Variants in TJAP1 observed in about 807,000 individuals in gnomAD.
TJAP1 encodes tight junction associated protein 1.
Under a neutral mutation model 42.0 loss-of-function variants are expected in TJAP1, and 27 were observed. The ratio of observed to expected loss-of-function variants is 0.64; its 90% CI spans 0.47 to 0.89. The LOEUF (loss-of-function observed/expected upper bound fraction) is 0.89, where lower values mean the gene tolerates loss of function less well. TJAP1 is among the 40% of genes least tolerant of loss of function. The probability of loss-of-function intolerance (pLI) is 0.00; values close to 1 mark genes in which losing one functional copy is unlikely to be tolerated. For synonymous variants in TJAP1, 257 were observed against 288.4 expected, an observed-to-expected ratio of 0.89 and a Z score of 1.10; for missense variants, 712 against 726.9, an observed-to-expected ratio of 0.98 and a Z score of 0.24.
At chr6:43,496,756 T>C (rs1789263494) in intron 2 of TJAP1, among the ~76,000 whole-genome samples, 1 of 152,214 alleles carries the variant, frequency 6.6e-6, no homozygotes, top group Non-Finnish European at 1.5e-5. Context: ...CAGCTCTGTT[T>C]AGGTTGATGG....
In TJAP1 at chr6:43,495,733, C is replaced by A. The variant is rs1788953218; in HGVS notation, c.-121-2148C>A. 6.6e-6 allele frequency among the ~76,000 whole-genome samples: 1 copy of A among 152,220 alleles called. No individual in the cohort carries two copies. The highest frequency in any genetic ancestry group is 6.5e-5 in the Admixed American group (1 of 15,282). On this transcript the variant is annotated intron_variant, in intron 2 of 10. Transcript: ENST00000372449. This position sits in a 1 kb window ranked among gnomAD's most constrained non-coding sequence, Gnocchi z 4.6. ...TGCCAGCTACCTTCTCAGGATACTC[C>A]TTGCCTAGCAAGCCAGATCGCCTCT...
chr6:43,487,510 A>G (rs1194807281), intron 2 of TJAP1, among the ~76,000 whole-genome samples: 1 of 152,004 alleles, frequency 6.6e-6, no homozygotes, highest in Non-Finnish European at 1.5e-5. Context: ...GAACTGGGTT[A>G]TGTCCCACTT....
At chr6:43,484,082 CA>C (rs202198214) in intron 2 of TJAP1, among the ~76,000 whole-genome samples, 74 of 143,246 alleles carry the variant, frequency 5.2e-4, no homozygotes, top group African/African-American at 6.9e-4. Context: ...AAATTAAAAA[CA>C]AAAAAAAAAA....
At chr6:43,500,167 A>G (rs541626238) in intron 4 of TJAP1, among the ~76,000 whole-genome samples, 16 of 152,198 alleles carry the variant, frequency 1.1e-4, no homozygotes, top group Non-Finnish European at 1.5e-4. Context: ...CTCTTGAGCC[A>G]TGACTGCCAT....
At position 43,502,315 on chromosome 6, in the gene TJAP1, C is replaced by T. The variant is rs753103871; in HGVS notation, c.323C>T (p.Thr108Ile). 3.7e-6 allele frequency: 6 copies of T among 1,613,754 alleles called. No homozygotes were observed. In the East Asian group the frequency reaches 1.1e-4, roughly 30 times the overall value. The change falls in exon 7 of 11, where the codon ACC becomes ATC. Residue 108 changes from threonine to isoleucine, a missense_variant. This residue lies in a region of TJAP1 where 158 missense variants were observed against 182.1 expected (regional missense o/e 0.87). Transcript: ENST00000372449. ...AACAGCTACACGGCTTCCCAGCGGA[C>T]CAACCAGGAGTTGGAGGACAAGCTG...
intron 2 of TJAP1, among the ~76,000 whole-genome samples, chr6:43,488,530 C>T (rs1360325074): frequency 6.6e-6 from 1 of 152,214 alleles, no homozygotes; most frequent in African/African-American, 2.4e-5. Flanking sequence ...GTGTCTCTCC[C>T]CTTCACTCAT....
intron 6 of TJAP1, among the ~76,000 whole-genome samples, chr6:43,501,915 ACACACACACACACT>A (rs1315723264): frequency 3.9e-5 from 5 of 128,484 alleles, no homozygotes; most frequent in Admixed American, 1.6e-4. Context: ...ACACACACAC[ACACACACACACACT>A]CTCTCTCTCT....
At position 43,502,269 on chromosome 6, in the gene TJAP1, T is replaced by C; in HGVS notation, c.291-14T>C. ...TCTTGACCCAGGGATGTGCCTTGTA[T>C]TATCCCTTTTCAGGCTGCAGAACAG... On this transcript the variant is annotated splice_polypyrimidine_tract_variant and intron_variant, in intron 6 of 10. Coordinates refer to ENST00000372449, the Ensembl canonical transcript of TJAP1. 1 of 1,613,754 alleles carries C rather than the reference T, an allele frequency of 6.2e-7. No individual in the cohort carries two copies. The highest frequency in any genetic ancestry group is 8.5e-7 in the Non-Finnish European group (1 of 1,179,832).
In TJAP1 at chr6:43,505,805, CG is replaced by C. The variant is rs774100550; in HGVS notation, c.1625del (p.Arg542ProfsTer5). 1.3e-5 allele frequency: 19 copies of C among 1,500,176 alleles called. No individual in the cohort carries two copies. The highest frequency in any genetic ancestry group is 2.3e-5 in the Admixed American group (1 of 42,750). The allele number at this position is 1,500,176 out of a possible 1,614,324, so 92.9% of individuals were successfully genotyped here. On this transcript the variant is annotated frameshift_variant, in exon 11 of 11. Transcript: ENST00000372449. LOFTEE classifies it high-confidence loss of function. The surrounding 1 kb of genome is among the most constrained non-coding windows in gnomAD (Gnocchi z 5.5). The stretch of plus-strand genomic sequence containing the variant: ...GAGGATGGGGGTTCACCACCTGCAC[CG>C]CAAGGACAGCCTGACCCAGGCCCAG...
At chr6:43,502,610 T>C in exon 8 of TJAP1, 3 of 1,551,776 alleles carry the variant, frequency 1.9e-6, no homozygotes, top group Non-Finnish European at 2.6e-6. Flanking sequence ...CACAGCTGGA[T>C]TTTTGCAGTT....
chr6:43,479,532 C>G (rs1207359272), intron 2 of TJAP1, among the ~76,000 whole-genome samples: 1 of 152,220 alleles, frequency 6.6e-6, no homozygotes, highest in African/African-American at 2.4e-5. Context: ...TGGCACATAC[C>G]TGTAGTCCCA....
At chr6:43,483,675 CT>C (rs768958272) in intron 2 of TJAP1, among the ~76,000 whole-genome samples, 2 of 152,156 alleles carry the variant, frequency 1.3e-5, no homozygotes, top group East Asian at 1.9e-4. Flanking sequence ...CTAGGCAGAC[CT>C]GGTTTAAATC....
At chr6:43,484,916 C>T (rs936545660) in intron 2 of TJAP1, among the ~76,000 whole-genome samples, 40 of 152,244 alleles carry the variant, frequency 2.6e-4, no homozygotes, top group Middle Eastern at 3.4e-3. Flanking sequence ...TTAGTGGAGG[C>T]GGGGTTTTAC....
chr6:43,504,677 G>A, intron 10 of TJAP1, 84 bp from the exon 11 acceptor site: 2 of 1,529,944 alleles, frequency 1.3e-6, no homozygotes, highest in South Asian at 1.3e-5. Context: ...GGTACTTAAA[G>A]GTGGGAGCCA....
At chr6:43,502,076 ACT>A (rs529451483) in intron 6 of TJAP1, among the ~76,000 whole-genome samples, 2,240 of 68,842 alleles carry the variant, frequency 0.033, 79 homozygotes, top group Middle Eastern at 0.082. Flanking sequence ...ACACACACAC[ACT>A]CTCTCTCTCT....
chr6:43,503,831 T>A, intron 10 of TJAP1, 125 bp downstream of exon 10: 1 of 831,154 alleles, frequency 1.2e-6, no homozygotes, highest in Non-Finnish European at 2.1e-6. Flanking sequence ...CTTGCCTCCA[T>A]GTCACCTCTC....
Position 43,501,765 on chromosome 6 carries a change from CT to C in TJAP1, c.290+79del, listed in dbSNP as rs1175285936. 8 of 658,048 alleles carry C rather than the reference CT, an allele frequency of 1.2e-5. No individual in the cohort carries two copies. The South Asian group carries it at 1.3e-4, about 11-fold the overall frequency. The allele number at this position is 658,048 out of a possible 1,614,324, so 40.8% of individuals were successfully genotyped here. A position where few individuals can be genotyped will look rare whatever the true frequency, so the allele number is the denominator to read the frequency against. On this transcript the variant is annotated intron_variant, in intron 6 of 10. Transcript: ENST00000372449. ...ACACACACACACACACACACTCTCT[CT>C]GTCTCTCTCTCTCTCTGTGTCTCTG...
At chr6:43,484,777 G>A (rs1242250636) in intron 2 of TJAP1, among the ~76,000 whole-genome samples, 2 of 152,180 alleles carry the variant, frequency 1.3e-5, no homozygotes, top group Non-Finnish European at 2.9e-5. Flanking sequence ...CCAGGCTGGA[G>A]TGCAGTGGCA....
chr6:43,504,959 G>A, exon 11 of TJAP1: 3 of 1,614,164 alleles, frequency 1.9e-6, no homozygotes, highest in Non-Finnish European at 2.5e-6. Flanking sequence ...GGCTGAGGAT[G>A]TCTTTGTGCA....
Sources: gnomAD v4.1 joint callset for allele counts (sites outside exome capture counted in the v4.1 genomes callset) on GRCh38, gnomAD v4.1.1 for gene constraint, gnomAD v4.1.1 regional missense constraint, Gnocchi (gnomAD v3.1) non-coding constraint, MANE v1.5 for transcripts, NCBI Gene and HGNC (gene_info 2026-07-23, HGNC 2026-07-21) for gene names.